The following OR51B5 variants were observed in gnomAD, a reference collection of about 807,000 sequenced individuals.
OR51B5 encodes the protein olfactory receptor family 51 subfamily B member 5.
For synonymous variants in OR51B5, 186 were observed against 144.8 expected (o/e 1.28, Z -2.04); for missense variants, 456 against 374.6 (o/e 1.22, Z -1.79).
intron 1 of OR51B5, among the ~76,000 whole-genome samples, chr11:5,387,642 T>G (rs1005005032): frequency 1.3e-5 from 2 of 152,208 alleles, no homozygotes; most frequent in Non-Finnish European, 2.9e-5. Context: ...GCTTCCTCCA[T>G]TGAATATACA....
intron 1 of OR51B5, among the ~76,000 whole-genome samples, chr11:5,369,301 G>T (rs530037138): frequency 2.0e-5 from 3 of 152,022 alleles, no homozygotes; most frequent in African/African-American, 7.2e-5. Context: ...ACAAAGTCAC[G>T]GCTTAACAAA....
intron 1 of OR51B5, chr11:5,402,873 A>G (rs1266433153): frequency 4.2e-6 from 2 of 471,318 alleles, no homozygotes; most frequent in African/African-American, 2.0e-5. Context: ...TTTTGGAAAT[A>G]CTGAAATTAG....
chr11:5,464,551 C>A (rs558986298), intron 1 of OR51B5, among the ~76,000 whole-genome samples: 1 of 148,138 alleles, frequency 6.8e-6, no homozygotes, highest in African/African-American at 2.5e-5. Flanking sequence ...GTTTTTTGTT[C>A]TTGCGATAGT....
At chr11:5,380,112 C>A (rs1849588060) in intron 1 of OR51B5, among the ~76,000 whole-genome samples, 6 of 151,954 alleles carry the variant, frequency 3.9e-5, no homozygotes, top group Admixed American at 3.3e-4. Flanking sequence ...CAAAAGGGGT[C>A]TCTCTGAAAA....
At chr11:5,397,586 C>A (rs1200633830) in intron 1 of OR51B5, among the ~76,000 whole-genome samples, 2 of 150,648 alleles carry the variant, frequency 1.3e-5, no homozygotes, top group Non-Finnish European at 3.0e-5. Context: ...AATAGGAACA[C>A]TTTTACACTG....
chr11:5,387,827 T>A (rs1849722472), intron 1 of OR51B5, among the ~76,000 whole-genome samples: 1 of 152,170 alleles, frequency 6.6e-6, no homozygotes, highest in Non-Finnish European at 1.5e-5. Flanking sequence ...CTACCCTATA[T>A]AAAATGCATC....
Position 5,453,967 on chromosome 11 carries a change from C to T in OR51B5, n.84+51602G>A, listed in dbSNP as rs769965312. On this transcript the variant is annotated intron_variant and non_coding_transcript_variant, in intron 1 of 4. Transcript: ENST00000415970. ...AGCTTCATCACCCTTTTCCCTCTTC[C>T]CTTTCTTATTAAGAGGCTGCCTATC... The T allele has an allele frequency of 3.1e-6, 5 of 1,614,124 alleles. No homozygotes were observed. The South Asian group carries it at 4.4e-5, about 14-fold the overall frequency.
At chr11:5,417,153 A>C (rs1386789725) in intron 1 of OR51B5, among the ~76,000 whole-genome samples, 1 of 152,140 alleles carries the variant, frequency 6.6e-6, no homozygotes, top group Non-Finnish European at 1.5e-5. Context: ...TCTTTGACAA[A>C]CCTGACAAAA....
chr11:5,465,943 A>C (rs537567117), intron 1 of OR51B5, among the ~76,000 whole-genome samples: 17 of 151,174 alleles, frequency 1.1e-4, no homozygotes, highest in Admixed American at 3.3e-4. Flanking sequence ...GCAACAAAAG[A>C]CAAAATTGAG....
intron 1 of OR51B5, chr11:5,389,582 A>G: frequency 3.1e-6 from 5 of 1,613,846 alleles, no homozygotes; most frequent in Non-Finnish European, 3.4e-6. Flanking sequence ...GATCATTATT[A>G]AGACCAACCC....
At chr11:5,496,369 T>C (rs1396028320) in intron 1 of OR51B5, among the ~76,000 whole-genome samples, 1 of 1,150 alleles carries the variant, frequency 8.7e-4, no homozygotes, top group Non-Finnish European at 2.1e-3. Context: ...GCAACAAAAA[T>C]GCGATCATTC....
chr11:5,430,381 G>A (rs1000700436), intron 1 of OR51B5, among the ~76,000 whole-genome samples: 1 of 152,058 alleles, frequency 6.6e-6, no homozygotes, highest in Non-Finnish European at 1.5e-5. Context: ...ATGAGGAAAA[G>A]GAAAATCCAT....
rs115116675 is a variant in OR51B5 at position 5,343,202 on chromosome 11, A to G, written c.323T>C (p.Leu108Pro). Reference sequence around the variant, plus strand: ...CATGGCAAGCAGAATGCCAGACTCGAGAAAGGAAAGTGAGTGTATAAAGTA... The same window carrying G: ...CATGGCAAGCAGAATGCCAGACTCGGGAAAGGAAAGTGAGTGTATAAAGTA... The change falls in exon 1 of 1, where the codon CTC (leucine) becomes CCC (proline). Residue 108 changes from leucine (L) to proline (P), a missense_variant. Transcript: ENST00000300773. 192 of 1,613,798 alleles carry G rather than the reference A, an allele frequency of 1.2e-4. No homozygotes were observed. The African/African-American group carries it at 2.3e-3, about 19-fold the overall frequency.
chr11:5,346,605 T>C (rs1436719651), upstream of OR51B5, among the ~76,000 whole-genome samples: 2 of 150,784 alleles, frequency 1.3e-5, no homozygotes, highest in Admixed American at 6.6e-5. Context: ...GGGTCAATCA[T>C]ATTCACATCA....
chr11:5,475,554 C>A (rs968034425), intron 1 of OR51B5, among the ~76,000 whole-genome samples: 1 of 152,122 alleles, frequency 6.6e-6, no homozygotes, highest in Non-Finnish European at 1.5e-5. Flanking sequence ...AACCCCTTAG[C>A]CTGAATGAGG....
chr11:5,484,646 A>T (rs973661831), intron 1 of OR51B5, among the ~76,000 whole-genome samples: 3 of 152,168 alleles, frequency 2.0e-5, no homozygotes, highest in African/African-American at 7.2e-5. Flanking sequence ...TGATCTTCCC[A>T]ATACTTCTGT....
At chr11:5,487,074 C>G (rs1177087399) in intron 1 of OR51B5, among the ~76,000 whole-genome samples, 2 of 152,104 alleles carry the variant, frequency 1.3e-5, no homozygotes. Context: ...TATTAATGGA[C>G]AGTAGGGTGA....
At chr11:5,362,556 G>GATA (rs1437414696) in intron 1 of OR51B5, 1 of 162,292 alleles carries the variant, frequency 6.2e-6, no homozygotes, top group African/African-American at 2.4e-5. Flanking sequence ...GAAAGCAAAA[G>GATA]ATAAGAAATA....
chr11:5,476,067 T>C (rs989568563), intron 1 of OR51B5, among the ~76,000 whole-genome samples: 13 of 152,184 alleles, frequency 8.5e-5, no homozygotes, highest in Admixed American at 5.2e-4. Flanking sequence ...CTTTTCTACC[T>C]TAATTAATCC....
Sources: allele counts gnomAD v4.1 joint callset (sites outside exome capture counted in the v4.1 genomes callset), GRCh38; gene constraint gnomAD v4.1.1; transcripts MANE v1.5; gene names NCBI Gene and HGNC (gene_info 2026-07-23, HGNC 2026-07-21).